Variants in ATP23 observed in about 807,000 individuals in gnomAD.
The protein encoded by ATP23 is mitochondrial inner membrane protease ATP23 homolog.
ATP23 carries 24 observed loss-of-function variants against 28.5 expected under a neutral mutation model. The observed-to-expected ratio is 0.84, with a 90% CI of 0.61 to 1.18. ATP23 has a LOEUF of 1.18. ATP23 is among the 50% of genes most tolerant of loss of function. The pLI is 0.00. For missense variants in ATP23, 274 were observed against 306.4 expected, an observed-to-expected ratio of 0.89 and a Z score of 0.79; for synonymous variants, 99 against 108.6, an observed-to-expected ratio of 0.91 and a Z score of 0.55.
chr12:57,945,550 A>G (rs1565873440), intron 1 of ATP23, 78 bp from the exon 2 acceptor site: 2 of 1,274,548 alleles, frequency 1.6e-6, no homozygotes, highest in Non-Finnish European at 1.1e-6. Flanking sequence ...ACTTTTTGAT[A>G]ATATCTTACA....
chr12:57,946,880 G>A (rs61935828), intron 2 of ATP23, 115 bp from the exon 3 acceptor site: 1 of 747,022 alleles, frequency 1.3e-6, no homozygotes, highest in Non-Finnish European at 2.2e-6. Context: ...GATTTCCTAT[G>A]TGTTAGTAGT....
intron 1 of ATP23, 130 bp from the exon 2 acceptor site, chr12:57,945,498 C>A: frequency 1.4e-6 from 1 of 735,220 alleles, no homozygotes; most frequent in Non-Finnish European, 2.3e-6. Flanking sequence ...TCCTAAAGTG[C>A]TGGGATTACA....
chr12:57,951,257 ATATT>A (rs1289388186), intron 3 of ATP23, among the ~76,000 whole-genome samples: 1 of 152,196 alleles, frequency 6.6e-6, no homozygotes, highest in Non-Finnish European at 1.5e-5. Flanking sequence ...TATTTTACAT[ATATT>A]CTCATTTAAT....
intron 2 of ATP23, among the ~76,000 whole-genome samples, chr12:57,945,929 T>C (rs2140529247): frequency 6.6e-6 from 1 of 151,484 alleles, no homozygotes; most frequent in East Asian, 2.0e-4. Flanking sequence ...GCGTTGGTGC[T>C]GTCTCGGCTC....
chr12:57,953,810 C>T, intron 5 of ATP23, 121 bp downstream of exon 5: 2 of 866,138 alleles, frequency 2.3e-6, no homozygotes, highest in East Asian at 2.6e-5. Flanking sequence ...GAAAAGAATA[C>T]AAAGTATGTA....
chr12:57,950,514 C>A (rs917573963), intron 3 of ATP23, among the ~76,000 whole-genome samples: 4 of 151,386 alleles, frequency 2.6e-5, no homozygotes, highest in Admixed American at 6.6e-5. Flanking sequence ...GTAGGTCAGG[C>A]ATTCTTTCTT....
At chr12:57,942,886 G>A (rs957564141) in intron 1 of ATP23, among the ~76,000 whole-genome samples, 1 of 152,174 alleles carries the variant, frequency 6.6e-6, no homozygotes, top group Admixed American at 6.5e-5. Context: ...CACTAGAGAA[G>A]ATTTCTTAAT....
At chr12:57,956,178 A>G (rs934644031) in intron 5 of ATP23, among the ~76,000 whole-genome samples, 2 of 152,224 alleles carry the variant, frequency 1.3e-5, no homozygotes, top group African/African-American at 4.8e-5. Flanking sequence ...ATTAAGGTAC[A>G]TTCCAAGTTC....
chr12:57,945,776 A>G (rs970044926), intron 2 of ATP23, 103 bp downstream of exon 2: 4 of 1,111,402 alleles, frequency 3.6e-6, no homozygotes, highest in Non-Finnish European at 5.4e-6. Flanking sequence ...TGAGGTCACA[A>G]AGTCTTTTCC....
intron 1 of ATP23, among the ~76,000 whole-genome samples, chr12:57,945,271 C>A (rs961192699): frequency 6.6e-6 from 1 of 152,028 alleles, no homozygotes; most frequent in African/African-American, 2.4e-5. Flanking sequence ...GTCACTCTAT[C>A]GTCCAGGCTG....
In ATP23 at chr12:57,953,609, C is replaced by T. The variant is rs867626853; in HGVS notation, c.457C>T (p.Arg153Ter). ...TTATTTGTCTTCTGTGTGATAGGTT[C>T]GAGCTGCTAACCTTAGTGGAGACTG... ...NIRHLACSEV[R>*]AANLSGDCSL... Residue 153 changes from arginine to a stop codon, truncating the protein, a stop_gained, in exon 5 of 6, where the codon CGA (arginine) becomes TGA (stop). Coordinates refer to ENST00000300145, the MANE Select transcript of ATP23 (RefSeq NM_033276.4). LOFTEE classifies it high-confidence loss of function. The T allele has an allele frequency of 1.1e-5, 18 of 1,613,750 alleles. No homozygotes were observed. Among genetic ancestry groups the T allele is most frequent in the Non-Finnish European group, 1.5e-5 (18 of 1,179,820 alleles).
chr12:57,951,172 C>T (rs1396183340), intron 3 of ATP23, among the ~76,000 whole-genome samples: 1 of 152,204 alleles, frequency 6.6e-6, no homozygotes, highest in Non-Finnish European at 1.5e-5. Context: ...GGCATTTGCC[C>T]TCATTCTAGT....
At chr12:57,950,749 G>T (rs1008197308) in intron 3 of ATP23, among the ~76,000 whole-genome samples, 1 of 151,804 alleles carries the variant, frequency 6.6e-6, no homozygotes, top group Non-Finnish European at 1.5e-5. Context: ...GGCTGGTCCC[G>T]AACTCCTGGG....
At position 57,945,622 on chromosome 12, in the gene ATP23, T is replaced by C. The variant is rs764578501; in HGVS notation, c.188-6T>C. The C allele has an allele frequency of 3.1e-6, 5 of 1,611,240 alleles. No individual in the cohort carries two copies. In the African/African-American group the frequency reaches 6.7e-5, roughly 22 times the overall value. On this transcript the variant is annotated splice_region_variant and splice_polypyrimidine_tract_variant and intron_variant, in intron 1 of 5. Coordinates refer to ENST00000300145, the MANE Select transcript of ATP23 (RefSeq NM_033276.4). ...AATTACTTAATTAAATCAATATCTT[T>C]TTTAGATCCATATGTCAAACTTCTG...
At chr12:57,946,552 G>A (rs556656306) in intron 2 of ATP23, among the ~76,000 whole-genome samples, 1,887 of 150,344 alleles carry the variant, frequency 0.013, 26 homozygotes, top group Non-Finnish European at 0.017. Flanking sequence ...CCGCCTCCCG[G>A]GTTCAAGAGA....
At position 57,941,886 on chromosome 12, in the gene ATP23, C is replaced by G. The variant is rs1956707932; in HGVS notation, c.185C>G (p.Thr62Arg). 6.2e-7 allele frequency: 1 copy of G among 1,612,948 alleles called. No homozygotes were observed. Among genetic ancestry groups the G allele is most frequent in the South Asian group, 1.1e-5 (1 of 90,884 alleles). The change falls in exon 1 of 6, where the codon ACA (threonine) becomes AGA (arginine). Residue 62 changes from threonine to arginine, a missense_variant and splice_region_variant. Physicochemically the swap from Thr to Arg is moderately conservative, Grantham distance 71. Coordinates refer to ENST00000300145, the MANE Select transcript of ATP23 (RefSeq NM_033276.4). ...CTTAGGCTCCTGAAGACGCTGGAGA[C>G]AAGTAGGAGCCATGACCTGGAGGCT... ...CQLRLLKTLE[T>R]NPYVKLLLDA... is the part of the protein sequence containing the mutation.
intron 3 of ATP23, among the ~76,000 whole-genome samples, chr12:57,947,939 G>A (rs7136078): frequency 0.16 from 24,769 of 152,064 alleles, 4,038 homozygotes; most frequent in African/African-American, 0.42. Flanking sequence ...GGATAATTTT[G>A]TATGTATTTA....
intron 3 of ATP23, among the ~76,000 whole-genome samples, chr12:57,950,243 A>G (rs1261016386): frequency 6.6e-6 from 1 of 152,126 alleles, no homozygotes; most frequent in Non-Finnish European, 1.5e-5. Context: ...GGTAAAGACA[A>G]GGTCTTCAGG....
rs984361816 is a variant in ATP23 at position 57,945,627 on chromosome 12, G to A, written c.188-1G>A. 1.2e-6 allele frequency: 2 copies of A among 1,611,698 alleles called. No individual in the cohort carries two copies. The highest frequency in any genetic ancestry group is 1.7e-6 in the Non-Finnish European group (2 of 1,178,166). On this transcript the variant is annotated splice_acceptor_variant, in intron 1 of 5. Transcript: ENST00000300145. LOFTEE classifies it high-confidence loss of function. ...CTTAATTAAATCAATATCTTTTTTA[G>A]ATCCATATGTCAAACTTCTGCTTGA...
Sources: gnomAD v4.1 joint callset for allele counts (sites outside exome capture counted in the v4.1 genomes callset) on GRCh38, gnomAD v4.1.1 for gene constraint, MANE v1.5 for transcripts, NCBI Gene and HGNC (gene_info 2026-07-23, HGNC 2026-07-21) for gene names.